SH3GL3: variants seen among roughly 807,000 people sequenced by gnomAD.
SH3GL3 encodes the protein endophilin-A3.
A neutral mutation model predicts 47.7 loss-of-function variants in SH3GL3; 33 were observed. That is an observed-to-expected ratio of 0.69 (90% CI 0.52 to 0.92). The LOEUF is 0.92. SH3GL3 is among the 40% of genes least tolerant of loss of function. SH3GL3 has a pLI of 0.00. For synonymous variants in SH3GL3, 155 were observed against 148.8 expected (o/e 1.04, Z -0.30); for missense variants, 363 against 417.8 (o/e 0.87, Z 1.14).
In SH3GL3 at chr15:83,599,684, C is replaced by G. The variant is rs191969799; in HGVS notation, c.838+10913C>G. 1.2e-3 allele frequency among the ~76,000 whole-genome samples: 184 copies of G among 152,190 alleles called. 1 individual carries two copies. Among genetic ancestry groups the G allele is most frequent in the African/African-American group, 4.4e-3 (182 of 41,530 alleles). ...TGCAAGTATCTTTTTTGTATAATGA[C>G]TTCTTTTTCCTCTGGGTAGATACCC... On this transcript the variant is annotated intron_variant, in intron 8 of 8. Transcript: ENST00000427482.
intron 6 of SH3GL3, among the ~76,000 whole-genome samples, chr15:83,583,687 A>G (rs941919395): frequency 6.6e-6 from 1 of 152,112 alleles, no homozygotes; most frequent in East Asian, 1.9e-4. Flanking sequence ...AATGAAATGC[A>G]TCCACAGGTG....
At chr15:83,588,008 A>G (rs774020557) in intron 7 of SH3GL3, among the ~76,000 whole-genome samples, 1 of 152,226 alleles carries the variant, frequency 6.6e-6, no homozygotes, top group Non-Finnish European at 1.5e-5. Flanking sequence ...ATCATAATCT[A>G]TAAGAGTAGA....
chr15:83,480,305 A>T (rs1416660466), intron 1 of SH3GL3, among the ~76,000 whole-genome samples: 2 of 152,218 alleles, frequency 1.3e-5, no homozygotes, highest in East Asian at 3.8e-4. Flanking sequence ...GGCAAAACTC[A>T]GTTTTTATCA....
intron 8 of SH3GL3, among the ~76,000 whole-genome samples, chr15:83,605,096 A>AAG (rs2060480357): frequency 1.3e-5 from 2 of 152,172 alleles, no homozygotes; most frequent in South Asian, 4.1e-4. Flanking sequence ...AAGTTCCTAG[A>AAG]AGGGCGATGT....
In SH3GL3 at chr15:83,447,885, G is replaced by A. The variant is rs1161189898; in HGVS notation, c.45+307G>A. On this transcript the variant is annotated intron_variant, in intron 1 of 8. Coordinates refer to ENST00000427482, the MANE Select transcript of SH3GL3 (RefSeq NM_003027.5). This position sits in a 1 kb window ranked among gnomAD's most constrained non-coding sequence, Gnocchi z 5.1. ...CGGGAGGCGGAGACGGAGTGGGCGTGGGGGGGCCCCTACCCGCGCGAGGGG... is the reference window on the plus strand; with the variant it reads ...CGGGAGGCGGAGACGGAGTGGGCGTAGGGGGGCCCCTACCCGCGCGAGGGG... Among the ~76,000 whole-genome samples, 2 of 152,084 alleles carry A rather than the reference G, an allele frequency of 1.3e-5. No individual in the cohort carries two copies. The highest frequency in any genetic ancestry group is 4.8e-5 in the African/African-American group (2 of 41,424).
Position 83,448,083 on chromosome 15 carries a change from G to A in SH3GL3, c.45+505G>A, listed in dbSNP as rs1164292369. Among the ~76,000 whole-genome samples the A allele has an allele frequency of 6.6e-6, 1 of 152,142 alleles. No individual in the cohort carries two copies. Among genetic ancestry groups the A allele is most frequent in the East Asian group, 1.9e-4 (1 of 5,160 alleles). On this transcript the variant is annotated intron_variant, in intron 1 of 8. Transcript: ENST00000427482. This position sits in a 1 kb window ranked among gnomAD's most constrained non-coding sequence, Gnocchi z 4.2. ...GAGCTCCCCGCGCGCGCATCGAAAT[G>A]GCCCCGTCTGGACTGTGCCCGGCTC...
chr15:83,477,612 G>A (rs2041156906), intron 1 of SH3GL3, among the ~76,000 whole-genome samples: 1 of 152,074 alleles, frequency 6.6e-6, no homozygotes, highest in South Asian at 2.1e-4. Flanking sequence ...GAATGTTTTG[G>A]CGTCTATTGG....
intron 1 of SH3GL3, among the ~76,000 whole-genome samples, chr15:83,478,716 T>A (rs1292740139): frequency 6.6e-6 from 1 of 152,138 alleles, no homozygotes; most frequent in Non-Finnish European, 1.5e-5. Flanking sequence ...ACGAGTCACA[T>A]ATCCTATGTA....
intron 1 of SH3GL3, among the ~76,000 whole-genome samples, chr15:83,514,124 C>G (rs559736500): frequency 1.3e-5 from 2 of 152,100 alleles, no homozygotes; most frequent in Non-Finnish European, 2.9e-5. Flanking sequence ...ATCTCAGTGC[C>G]TAGAGTTTGG....
At chr15:83,450,631 G>A (rs960399085) in intron 1 of SH3GL3, among the ~76,000 whole-genome samples, 1 of 150,718 alleles carries the variant, frequency 6.6e-6, no homozygotes, top group Non-Finnish European at 1.5e-5. Context: ...ATGCTAAAAT[G>A]AGAAGAATAT....
intron 8 of SH3GL3, among the ~76,000 whole-genome samples, chr15:83,612,459 T>TC (rs2060693684): frequency 6.6e-6 from 1 of 152,232 alleles, no homozygotes; most frequent in African/African-American, 2.4e-5. Flanking sequence ...CAGTGGCCCC[T>TC]CAGCACTTCC....
intron 1 of SH3GL3, among the ~76,000 whole-genome samples, chr15:83,518,826 C>G (rs2043093564): frequency 6.6e-6 from 1 of 152,144 alleles, no homozygotes; most frequent in Non-Finnish European, 1.5e-5. Context: ...AGGCTGATGT[C>G]CAGAATGGTG....
chr15:83,557,185 C>T (rs1265383448), intron 1 of SH3GL3, among the ~76,000 whole-genome samples: 1 of 152,130 alleles, frequency 6.6e-6, no homozygotes, highest in East Asian at 1.9e-4. Flanking sequence ...GGTGCCACTC[C>T]CCACCCCAGG....
chr15:83,605,720 A>G (rs2060496808), intron 8 of SH3GL3, among the ~76,000 whole-genome samples: 1 of 152,168 alleles, frequency 6.6e-6, no homozygotes, highest in African/African-American at 2.4e-5. Flanking sequence ...ATTGCAGACA[A>G]AATCCAACTC....
intron 8 of SH3GL3, among the ~76,000 whole-genome samples, chr15:83,597,829 C>T (rs1024513313): frequency 2.6e-5 from 4 of 152,200 alleles, no homozygotes; most frequent in East Asian, 1.9e-4. Context: ...AGGCTGGTTG[C>T]GAACTCCTGA....
intron 2 of SH3GL3, among the ~76,000 whole-genome samples, chr15:83,560,281 C>A (rs2151744383): frequency 6.6e-6 from 1 of 152,252 alleles, no homozygotes; most frequent in East Asian, 1.9e-4. Flanking sequence ...CCCCAGGATA[C>A]CTTGGCTCTG....
intron 1 of SH3GL3, among the ~76,000 whole-genome samples, chr15:83,554,222 T>C (rs1268434268): frequency 6.6e-6 from 1 of 152,024 alleles, no homozygotes; most frequent in African/African-American, 2.4e-5. Context: ...AATTTCACTC[T>C]TATTGCCCAG....
chr15:83,493,744 A>C (rs2041971876), intron 1 of SH3GL3, among the ~76,000 whole-genome samples: 1 of 149,256 alleles, frequency 6.7e-6, no homozygotes, highest in Non-Finnish European at 1.5e-5. Flanking sequence ...CGTGGTCTCG[A>C]CTGTTAAGTA....
intron 2 of SH3GL3, among the ~76,000 whole-genome samples, chr15:83,562,017 GAC>G (rs886348854): frequency 7.8e-5 from 10 of 128,266 alleles, no homozygotes; most frequent in African/African-American, 2.7e-4. Context: ...GACTTGAACA[GAC>G]ACACACACAC....
Sources: gnomAD v4.1 joint callset for allele counts (sites outside exome capture counted in the v4.1 genomes callset) on GRCh38, gnomAD v4.1.1 for gene constraint, Gnocchi (gnomAD v3.1) non-coding constraint, MANE v1.5 for transcripts, NCBI Gene and HGNC (gene_info 2026-07-23, HGNC 2026-07-21) for gene names.